Variants in LARGE1 observed in about 807,000 individuals in gnomAD.
LARGE1 encodes the protein xylosyl- and glucuronyltransferase LARGE1.
In LARGE1, 43 loss-of-function variants were observed where a neutral mutation model predicts 87.6. The ratio of observed to expected loss-of-function variants is 0.49; its 90% CI spans 0.38 to 0.63. The LOEUF is 0.63. Among genes scored for constraint, LARGE1 ranks in the 30% least tolerant of loss-of-function variants. The probability of loss-of-function intolerance (pLI) is 0.00; values close to 1 mark genes in which losing one functional copy is unlikely to be tolerated. For synonymous variants in LARGE1, 434 were observed against 394.6 expected (o/e 1.10, Z -1.18); for missense variants, 802 against 1,000.2 (o/e 0.80, Z 2.67).
the LARGE1 span, among the ~76,000 whole-genome samples, chr22:33,116,744 T>C: frequency 6.6e-6 from 1 of 152,140 alleles, no homozygotes; most frequent in Non-Finnish European, 1.5e-5. Context: ...AAAGGGAACA[T>C]GATTTTTAGC....
chr22:33,614,779 C>T (rs553668560), intron 4 of LARGE1, among the ~76,000 whole-genome samples: 2 of 152,224 alleles, frequency 1.3e-5, no homozygotes, highest in African/African-American at 4.8e-5. Context: ...AGACTACCTC[C>T]TACCCTCCAT....
intron 11 of LARGE1, among the ~76,000 whole-genome samples, chr22:33,233,501 T>C (rs1378011827): frequency 1.3e-5 from 2 of 152,112 alleles, no homozygotes; most frequent in Non-Finnish European, 2.9e-5. Flanking sequence ...TCCTTCCTTG[T>C]TTTTAGTCTA....
intron 6 of LARGE1, among the ~76,000 whole-genome samples, chr22:33,556,675 T>C (rs1036865110): frequency 6.6e-6 from 1 of 150,648 alleles, no homozygotes; most frequent in Non-Finnish European, 1.5e-5. Flanking sequence ...TGGTTTCTGG[T>C]CTGTGAACTC....
chr22:33,546,112 T>C (rs920153792), intron 6 of LARGE1, among the ~76,000 whole-genome samples: 6 of 152,284 alleles, frequency 3.9e-5, no homozygotes, highest in African/African-American at 1.4e-4. Flanking sequence ...AGACTGTCAG[T>C]GGATTTTCAG....
intron 1 of LARGE1, among the ~76,000 whole-genome samples, chr22:33,895,533 G>A (rs1046020827): frequency 2.0e-5 from 3 of 152,104 alleles, no homozygotes; most frequent in African/African-American, 4.8e-5. Flanking sequence ...CTCTGGGGCC[G>A]AATCCACCTG....
intron 4 of LARGE1, among the ~76,000 whole-genome samples, chr22:33,610,159 G>C (rs573706358): frequency 1.3e-5 from 2 of 152,176 alleles, no homozygotes; most frequent in African/African-American, 4.8e-5. Context: ...GGTACCAGGA[G>C]TGAGATACTA....
intron 7 of LARGE1, among the ~76,000 whole-genome samples, chr22:33,406,088 G>A (rs1480788375): frequency 1.3e-5 from 2 of 152,168 alleles, no homozygotes; most frequent in African/African-American, 4.8e-5. Context: ...GGCTGAATAT[G>A]TGGTTGGTAG....
intron 1 of LARGE1, among the ~76,000 whole-genome samples, chr22:33,826,678 G>T (rs972371420): frequency 6.6e-6 from 1 of 151,966 alleles, no homozygotes; most frequent in Admixed American, 6.6e-5. Flanking sequence ...ATTGCCTTTA[G>T]TACCCACCTG....
intron 11 of LARGE1, among the ~76,000 whole-genome samples, chr22:33,248,785 A>G (rs1316244225): frequency 1.3e-5 from 2 of 152,198 alleles, no homozygotes; most frequent in East Asian, 1.9e-4. Flanking sequence ...CCAGAATGCC[A>G]TATAGTTGGA....
intron 6 of LARGE1, among the ~76,000 whole-genome samples, chr22:33,447,625 C>G (rs1246300001): frequency 6.6e-6 from 1 of 152,256 alleles, no homozygotes; most frequent in Non-Finnish European, 1.5e-5. Flanking sequence ...AGGAGCCAAT[C>G]TGGCTCTGCC....
At chr22:33,797,349 C>T (rs999573523) in intron 1 of LARGE1, among the ~76,000 whole-genome samples, 1 of 152,220 alleles carries the variant, frequency 6.6e-6, no homozygotes, top group African/African-American at 2.4e-5. Flanking sequence ...TCTCCTCTTT[C>T]TTCTTCCCAA....
chr22:33,396,833 A>T (rs543821042), intron 7 of LARGE1, among the ~76,000 whole-genome samples: 2 of 152,328 alleles, frequency 1.3e-5, no homozygotes, highest in South Asian at 4.1e-4. Flanking sequence ...GACAGAAATC[A>T]TTTGGCCAAG....
intron 6 of LARGE1, among the ~76,000 whole-genome samples, chr22:33,513,707 G>A (rs140183144): frequency 9.9e-5 from 15 of 152,004 alleles, no homozygotes; most frequent in Admixed American, 2.0e-4. Flanking sequence ...TTCTAATCCC[G>A]GAACGCTCCC....
intron 12 of LARGE1, among the ~76,000 whole-genome samples, chr22:33,288,728 A>T (rs1931995253): frequency 1.3e-5 from 2 of 152,112 alleles, no homozygotes; most frequent in Admixed American, 1.3e-4. Context: ...CTCATCATTC[A>T]ATGATACCAA....
intron 6 of LARGE1, among the ~76,000 whole-genome samples, chr22:33,525,590 G>C (rs2071847846): frequency 6.6e-6 from 1 of 152,158 alleles, no homozygotes; most frequent in Admixed American, 6.5e-5. Flanking sequence ...TTTAGCTCAT[G>C]GTTAAACAAC....
In LARGE1 at chr22:33,394,513, C is replaced by A. The variant is rs561452501; in HGVS notation, c.893-10209G>T. On this transcript the variant is annotated intron_variant, in intron 7 of 14. Transcript: ENST00000397394. Reference sequence around the variant, plus strand: ...GCACCCAGCCAGATGACCTCTGATTCTTATGACAAACTTGCAAAGTAGATG... The same window carrying A: ...GCACCCAGCCAGATGACCTCTGATTATTATGACAAACTTGCAAAGTAGATG... 7.2e-5 allele frequency among the ~76,000 whole-genome samples: 11 copies of A among 152,188 alleles called. No individual in the cohort carries two copies. In the East Asian group the frequency reaches 1.9e-3, roughly 27 times the overall value.
intron 1 of LARGE1, among the ~76,000 whole-genome samples, chr22:33,903,725 T>C (rs2146915363): frequency 6.6e-6 from 1 of 152,214 alleles, no homozygotes; most frequent in South Asian, 2.1e-4. Context: ...CTTGGGAGGC[T>C]GAGGCAGGAG....
chr22:33,788,693 A>G (rs1467778415), intron 1 of LARGE1, among the ~76,000 whole-genome samples: 5 of 152,174 alleles, frequency 3.3e-5, no homozygotes, highest in Admixed American at 6.5e-5. Flanking sequence ...TAGCAAAAAG[A>G]CTGGTGACAT....
intron 11 of LARGE1, among the ~76,000 whole-genome samples, chr22:33,206,252 G>A (rs1029160384): frequency 1.3e-5 from 2 of 152,014 alleles, no homozygotes; most frequent in Non-Finnish European, 2.9e-5. Flanking sequence ...CACTGCGCCC[G>A]GCCTAACTTT....
Sources: allele counts gnomAD v4.1 joint callset (sites outside exome capture counted in the v4.1 genomes callset), GRCh38; gene constraint gnomAD v4.1.1; transcripts MANE v1.5; gene names NCBI Gene and HGNC (gene_info 2026-07-23, HGNC 2026-07-21).